PHF13: variants seen among roughly 807,000 people sequenced by gnomAD.
PHF13 encodes PHD zinc finger protein PHF5.
A neutral mutation model predicts 25.8 loss-of-function variants in PHF13; 1 was observed. That is an observed-to-expected ratio of 0.04 (90% CI 0.01 to 0.18). PHF13 has a LOEUF of 0.18. Ranked by LOEUF, PHF13 falls within the 10% of genes least tolerant of loss-of-function variation. The pLI, the probability that PHF13 is intolerant of heterozygous loss-of-function variation, is 1.00. For synonymous variants in PHF13, 195 were observed against 162.4 expected (o/e 1.20, Z -1.53); for missense variants, 306 against 403.2 (o/e 0.76, Z 2.06).
In PHF13 at chr1:6,614,842, C is replaced by T. The variant is rs891595738; in HGVS notation, c.39+737C>T. Among the ~76,000 whole-genome samples, 3 of 151,588 alleles carry T rather than the reference C, an allele frequency of 2.0e-5. No homozygotes were observed. The East Asian group carries it at 5.9e-4, about 30-fold the overall frequency. ...CGGGGCTCCCGGCCTCCCCCCCGCG[C>T]GGTCCCCTCCCCCCAGCCGAGGCTC... On this transcript the variant is annotated intron_variant, in intron 1 of 3. Transcript: ENST00000377648.
chr1:6,614,396 G>T, intron 1 of PHF13: 2 of 400,908 alleles, frequency 5.0e-6, no homozygotes, highest in Non-Finnish European at 9.0e-6. Flanking sequence ...CTCCGGCCTC[G>T]CGTCGACCTG....
intron 3 of PHF13, 56 bp downstream of exon 3, chr1:6,620,393 T>C (rs1323797847): frequency 1.3e-6 from 2 of 1,534,442 alleles, no homozygotes; most frequent in Middle Eastern, 1.7e-4. Flanking sequence ...GAAGAGAGGT[T>C]ATTTTATTAA....
At position 6,621,610 on chromosome 1, in the gene PHF13, G is replaced by A. The variant is rs1257573874; in HGVS notation, c.876G>A (p.Thr292=). 6.2e-7 allele frequency: 1 copy of A among 1,614,070 alleles called. No individual in the cohort carries two copies. The highest frequency in any genetic ancestry group is 8.5e-7 in the Non-Finnish European group (1 of 1,180,056). Residue 292 remains threonine (T), a synonymous_variant, in exon 4 of 4, where the codon ACG becomes ACA. Coordinates refer to ENST00000377648, the MANE Select transcript of PHF13 (RefSeq NM_153812.3). This position sits in a 1 kb window ranked among gnomAD's most constrained non-coding sequence, Gnocchi z 4.8. ...FDIRRSNRSR[T]GSRKLFLD is the part of the protein sequence containing the mutation. ...TCCGCCGTTCCAACCGCTCGCGGAC[G>A]GGCTCCCGGAAGCTGTTCCTGGACT...
Position 6,614,049 on chromosome 1 carries a change from C to T in PHF13, c.-18C>T. The T allele has an allele frequency of 6.3e-7, 1 of 1,590,598 alleles. No homozygotes were observed. The highest frequency in any genetic ancestry group is 1.1e-5 in the South Asian group (1 of 89,100). On this transcript the variant is annotated 5_prime_UTR_variant, in exon 1 of 4. Transcript: ENST00000377648. The stretch of plus-strand genomic sequence containing the variant: ...AGCTCCTGCACTCTCGCAGCCGCCG[C>T]CGCCCCCCGCCCGGAACATGGACTC...
rs184614620 is a variant in PHF13 at position 6,623,575 on chromosome 1, G to C, written c.*1938G>C. ...CATGTGACTTTAGAATGGAACTGCCGGCCCTGGCAACTGTCACGTGTGCTA... is the reference window on the plus strand; with the variant it reads ...CATGTGACTTTAGAATGGAACTGCCCGCCCTGGCAACTGTCACGTGTGCTA... On this transcript the variant is annotated 3_prime_UTR_variant, in exon 4 of 4. Transcript: ENST00000377648. 6.5e-6 allele frequency: 1 copy of C among 152,692 alleles called. No individual in the cohort carries two copies. Among genetic ancestry groups the C allele is most frequent in the South Asian group, 2.1e-4 (1 of 4,824 alleles). 9.5% of individuals were successfully genotyped at this position (152,692 alleles called of 1,614,324 possible).
intron 2 of PHF13, among the ~76,000 whole-genome samples, chr1:6,619,261 A>C (rs1641304661): frequency 6.6e-6 from 1 of 152,210 alleles, no homozygotes; most frequent in Non-Finnish European, 1.5e-5. Flanking sequence ...CACACTGATG[A>C]ATTTTCTGTC....
rs774469679 is a variant in PHF13, at chr1:6,620,060, G to C, written c.399G>C (p.Glu133Asp). The C allele has an allele frequency of 2.5e-6, 4 of 1,613,570 alleles. No individual in the cohort carries two copies. The East Asian group carries it at 8.9e-5, about 36-fold the overall frequency. Reference sequence around the variant, plus strand: ...GGGACAGTGATGCGCCTGGGAAAGAGGGGTACAGGGGGGGCTTGCTGAAGC... The same window carrying C: ...GGGACAGTGATGCGCCTGGGAAAGACGGGTACAGGGGGGGCTTGCTGAAGC... Reference protein sequence around the residue: ...KRRDSDAPGKEGYRGGLLKLE... With the variant: ...KRRDSDAPGKDGYRGGLLKLE... Residue 133 changes from glutamate to aspartate, a missense_variant, in exon 3 of 4, where the codon GAG (glutamate) becomes GAC (aspartate). Glu to Asp is a conservative substitution (Grantham distance 45). This residue lies in a region of PHF13 where 186 missense variants were observed against 164.0 expected (regional missense o/e 1.13). Transcript: ENST00000377648.
At chr1:6,619,460 C>T (rs917161599) in intron 2 of PHF13, among the ~76,000 whole-genome samples, 2 of 152,202 alleles carry the variant, frequency 1.3e-5, no homozygotes, top group African/African-American at 4.8e-5. Flanking sequence ...CTGCCTCAGC[C>T]TCCCAAGTAG....
At chr1:6,619,652 C>G (rs1310042490) in intron 2 of PHF13, 151 bp from the exon 3 acceptor site, 1 of 819,674 alleles carries the variant, frequency 1.2e-6, no homozygotes, top group Non-Finnish European at 2.0e-6. Flanking sequence ...ACTCATGTTA[C>G]TGTTGCTTCA....
Position 6,620,249 on chromosome 1 carries a change from C to G in PHF13, c.588C>G (p.Gly196=), listed in dbSNP as rs2148710571. The G allele has an allele frequency of 6.2e-7, 1 of 1,613,986 alleles. No homozygotes were observed. The highest frequency in any genetic ancestry group is 2.2e-5 in the East Asian group (1 of 44,886). The change falls in exon 3 of 4, where the codon GGC becomes GGG. Residue 196 remains glycine, a synonymous_variant. Transcript: ENST00000377648. ...PDQVKEIKTE[G]KRTIVRQGKQ... is the part of the protein sequence containing the mutation. ...AGGTCAAAGAAATAAAAACTGAAGG[C>G]AAACGGACTATCGTCCGGCAGGGAA...
Position 6,621,496 on chromosome 1 carries a change from C to G in PHF13, c.762C>G (p.Thr254=). 1 of 1,614,160 alleles carries G rather than the reference C, an allele frequency of 6.2e-7. No homozygotes were observed. Among genetic ancestry groups the G allele is most frequent in the Non-Finnish European group, 8.5e-7 (1 of 1,180,028 alleles). ...TGATCGAGTGTAATGAGTGCCACAC[C>G]TGGATTCACCTGTCCTGTGCGAAAA... ...RPMIECNECH[T]WIHLSCAKIR... The change falls in exon 4 of 4, where the codon ACC becomes ACG. Residue 254 remains threonine (T), a synonymous_variant. Coordinates refer to ENST00000377648, the MANE Select transcript of PHF13 (RefSeq NM_153812.3). The surrounding 1 kb of genome is among the most constrained non-coding windows in gnomAD (Gnocchi z 4.8).
chr1:6,621,283 A>G lies in PHF13; in HGVS notation c.677-128A>G. 2 of 945,862 alleles carry G rather than the reference A, an allele frequency of 2.1e-6. No homozygotes were observed. Among genetic ancestry groups the G allele is most frequent in the Admixed American group, 2.1e-5 (1 of 46,822 alleles). 58.6% of individuals were successfully genotyped at this position (945,862 alleles called of 1,614,324 possible). A position where few individuals can be genotyped will look rare whatever the true frequency, so the allele number is the denominator to read the frequency against. ...AGCCCCTCGTGCCTTTTCAGAGAGA[A>G]GTGTCAGCTTCGAGTGGCAGTTGGA... is the stretch of plus-strand genomic sequence containing the variant. On this transcript the variant is annotated intron_variant, in intron 3 of 3. Coordinates refer to ENST00000377648, the MANE Select transcript of PHF13 (RefSeq NM_153812.3). The surrounding 1 kb of genome is among the most constrained non-coding windows in gnomAD (Gnocchi z 4.8).
chr1:6,617,695 T>C (rs2148709840), intron 2 of PHF13, among the ~76,000 whole-genome samples: 1 of 152,326 alleles, frequency 6.6e-6, no homozygotes, highest in Admixed American at 6.5e-5. Flanking sequence ...CCAAAAGTGC[T>C]GGGATTACAA....
rs1319554321 is a variant in PHF13, at chr1:6,623,325, T to C, written c.*1688T>C. ...GAAATAGTTTCTGAAGCCAGTTTAT[T>C]GTGAAGATCCCCAAGGGGGAGGTTC... On this transcript the variant is annotated 3_prime_UTR_variant, in exon 4 of 4. Coordinates refer to ENST00000377648, the MANE Select transcript of PHF13 (RefSeq NM_153812.3). The C allele has an allele frequency of 2.0e-5, 3 of 152,628 alleles. No homozygotes were observed. Among genetic ancestry groups the C allele is most frequent in the Non-Finnish European group, 2.9e-5 (2 of 68,036 alleles). 9.5% of individuals were successfully genotyped at this position (152,628 alleles called of 1,614,324 possible).
At position 6,616,744 on chromosome 1, in the gene PHF13, C is replaced by T. The variant is rs1288584890; in HGVS notation, c.40-13C>T. The T allele has an allele frequency of 6.2e-7, 1 of 1,606,712 alleles. No individual in the cohort carries two copies. The highest frequency in any genetic ancestry group is 1.3e-5 in the African/African-American group (1 of 74,822). The stretch of plus-strand genomic sequence containing the variant: ...CTCCTTCAAACACATTCCCTTTTCT[C>T]TCCCCTTAATAGGAATACTCCCCCA... On this transcript the variant is annotated splice_polypyrimidine_tract_variant and intron_variant, in intron 1 of 3. Coordinates refer to ENST00000377648, the MANE Select transcript of PHF13 (RefSeq NM_153812.3).
At chr1:6,620,988 C>T (rs899646136) in intron 3 of PHF13, among the ~76,000 whole-genome samples, 22 of 149,956 alleles carry the variant, frequency 1.5e-4, no homozygotes, top group East Asian at 5.9e-4. Flanking sequence ...GCCAAGATCG[C>T]GCCATTGCAC....
At position 6,622,000 on chromosome 1, in the gene PHF13, A is replaced by G. The variant is rs965466813; in HGVS notation, c.*363A>G. The stretch of plus-strand genomic sequence containing the variant: ...CAGTGCCAGCTGTTATTCTGCTTCC[A>G]CTGTGTTGGGGAGAGGTGTTCGGTT... On this transcript the variant is annotated 3_prime_UTR_variant, in exon 4 of 4. Transcript: ENST00000377648. The surrounding 1 kb of genome is among the most constrained non-coding windows in gnomAD (Gnocchi z 4.8). 7 of 356,550 alleles carry G rather than the reference A, an allele frequency of 2.0e-5. No homozygotes were observed. The East Asian group carries it at 4.7e-4, about 24-fold the overall frequency. The allele number at this position is 356,550 out of a possible 1,614,324, so 22.1% of individuals were successfully genotyped here. A position where few individuals can be genotyped will look rare whatever the true frequency, so the allele number is the denominator to read the frequency against.
intron 1 of PHF13, among the ~76,000 whole-genome samples, chr1:6,614,761 G>T (rs1368452935): frequency 1.5e-5 from 2 of 131,976 alleles, no homozygotes; most frequent in African/African-American, 2.8e-5. Flanking sequence ...CCCCCCGCCC[G>T]CGGGCTTTGC....
At chr1:6,614,378 C>T in intron 1 of PHF13, 1 of 437,472 alleles carries the variant, frequency 2.3e-6, no homozygotes, top group Non-Finnish European at 4.1e-6. Flanking sequence ...CTCCCCCGGG[C>T]CGCCCCTCTC....
Sources: gnomAD v4.1 joint callset for allele counts (sites outside exome capture counted in the v4.1 genomes callset) on GRCh38, gnomAD v4.1.1 for gene constraint, gnomAD v4.1.1 regional missense constraint, Gnocchi (gnomAD v3.1) non-coding constraint, MANE v1.5 for transcripts, NCBI Gene and HGNC (gene_info 2026-07-23, HGNC 2026-07-21) for gene names.